HERC1: variants seen among roughly 807,000 people sequenced by gnomAD.
HERC1 encodes probable E3 ubiquitin-protein ligase HERC1.
A neutral mutation model predicts 554.3 loss-of-function variants in HERC1; 160 were observed. The ratio of observed to expected loss-of-function variants is 0.29; its 90% CI spans 0.25 to 0.33. The LOEUF (loss-of-function observed/expected upper bound fraction) is 0.33. Ranked by LOEUF, HERC1 falls within the 10% of genes least tolerant of loss-of-function variation. HERC1 has a pLI of 1.00. For synonymous variants in HERC1, 2,175 were observed against 2,131.7 expected (o/e 1.02, Z -0.56); for missense variants, 4,919 against 5,918.5 (o/e 0.83, Z 5.54).
intron 50 of HERC1, among the ~76,000 whole-genome samples, chr15:63,654,837 C>G (rs1399592082): frequency 6.6e-6 from 1 of 151,522 alleles, no homozygotes; most frequent in African/African-American, 2.4e-5. Flanking sequence ...CCACTGTACT[C>G]CAGCCTGGGT....
At chr15:63,632,649 C>T in intron 68 of HERC1, 60 bp downstream of exon 68, 5 of 1,112,926 alleles carry the variant, frequency 4.5e-6, no homozygotes, top group Non-Finnish European at 6.7e-6. Context: ...TTCTGTAACA[C>T]TGGAAGGCCA....
intron 25 of HERC1, among the ~76,000 whole-genome samples, chr15:63,702,704 A>G (rs2153082026): frequency 6.6e-6 from 1 of 152,366 alleles, no homozygotes; most frequent in Middle Eastern, 3.4e-3. Context: ...TGAAGGGCTT[A>G]GAACAATGCT....
intron 37 of HERC1, among the ~76,000 whole-genome samples, chr15:63,675,951 T>C (rs2071180407): frequency 6.7e-6 from 1 of 150,228 alleles, no homozygotes; most frequent in South Asian, 2.1e-4. Context: ...TCACCCAGGC[T>C]GCAGTGCAGT....
rs1025700209 is a variant in HERC1, at chr15:63,727,966, A to C, written c.3155-128T>G. 9.2e-6 allele frequency: 6 copies of C among 653,470 alleles called. No homozygotes were observed. The African/African-American group carries it at 1.1e-4, about 12-fold the overall frequency. The allele number at this position is 653,470 out of a possible 1,614,324, so 40.5% of individuals were successfully genotyped here. A position where few individuals can be genotyped will look rare whatever the true frequency, so the allele number is the denominator to read the frequency against. On this transcript the variant is annotated intron_variant, in intron 16 of 77. Coordinates refer to ENST00000443617, the MANE Select transcript of HERC1 (RefSeq NM_003922.4). The surrounding 1 kb of genome is among the most constrained non-coding windows in gnomAD (Gnocchi z 4.3). ...TTCAACAACTCTCTGTTGAACACCTACCTGGTAGCTGATGTAGTATCAGTG... is the reference window on the plus strand; with the variant it reads ...TTCAACAACTCTCTGTTGAACACCTCCCTGGTAGCTGATGTAGTATCAGTG...
At chr15:63,684,648 G>A (rs2071648302) in intron 34 of HERC1, among the ~76,000 whole-genome samples, 1 of 152,196 alleles carries the variant, frequency 6.6e-6, no homozygotes, top group South Asian at 2.1e-4. Context: ...GAGGAGTCGG[G>A]AGGGCATTAA....
intron 12 of HERC1, among the ~76,000 whole-genome samples, chr15:63,739,174 C>T (rs1281330999): frequency 6.7e-6 from 1 of 149,646 alleles, no homozygotes; most frequent in Non-Finnish European, 1.5e-5. Context: ...CTGCTCAAGA[C>T]CTCCAACAAC....
chr15:63,779,106 A>G (rs2076201638), intron 1 of HERC1, among the ~76,000 whole-genome samples: 1 of 152,118 alleles, frequency 6.6e-6, no homozygotes. Flanking sequence ...AGGGTGAGAG[A>G]AATAATTAGA....
intron 57 of HERC1, among the ~76,000 whole-genome samples, chr15:63,644,579 G>A (rs1285260543): frequency 1.3e-5 from 2 of 151,952 alleles, no homozygotes; most frequent in East Asian, 3.9e-4. Context: ...CTCGCCTAGA[G>A]GGCTCTCTAT....
At chr15:63,676,684 A>G (rs1567001236) in intron 37 of HERC1, among the ~76,000 whole-genome samples, 2 of 152,196 alleles carry the variant, frequency 1.3e-5, no homozygotes. Context: ...TGAACCCGGG[A>G]GGCAGAAGTT....
At chr15:63,707,939 A>C (rs1344045984) in intron 24 of HERC1, among the ~76,000 whole-genome samples, 1 of 142,530 alleles carries the variant, frequency 7.0e-6, no homozygotes, top group East Asian at 1.9e-4. Context: ...AAAAAAAAAA[A>C]AAAAAAAAAA....
At chr15:63,634,059 A>C (rs1427390485) in intron 66 of HERC1, 89 bp from the exon 67 acceptor site, 2 of 1,480,538 alleles carry the variant, frequency 1.4e-6, no homozygotes, top group Non-Finnish European at 1.9e-6. Context: ...TACTTCAGTG[A>C]AAAACTTGGC....
At chr15:63,731,612 T>G (rs1267559403) in intron 14 of HERC1, among the ~76,000 whole-genome samples, 1 of 152,222 alleles carries the variant, frequency 6.6e-6, no homozygotes, top group Non-Finnish European at 1.5e-5. Context: ...AAGAATTTTG[T>G]AGGAAGAATG....
At chr15:63,634,632 G>A in intron 66 of HERC1, 101 bp downstream of exon 66, 1 of 863,012 alleles carries the variant, frequency 1.2e-6, no homozygotes. Context: ...CATGAGGTTA[G>A]GTACAACTGG....
At chr15:63,760,721 T>C (rs1415548512) in intron 3 of HERC1, among the ~76,000 whole-genome samples, 2 of 151,938 alleles carry the variant, frequency 1.3e-5, no homozygotes, top group Admixed American at 6.6e-5. Context: ...ATGCACATAA[T>C]AGAAATCCCT....
At chr15:63,738,790 A>G (rs2074659400) in intron 12 of HERC1, among the ~76,000 whole-genome samples, 1 of 152,212 alleles carries the variant, frequency 6.6e-6, no homozygotes, top group Non-Finnish European at 1.5e-5. Flanking sequence ...CCCAAAGAAT[A>G]AAAAGATAAC....
rs774788018 is a variant in HERC1 at position 63,615,749 on chromosome 15, C to G, written c.14094+19G>C. On this transcript the variant is annotated intron_variant, in intron 76 of 77. Coordinates refer to ENST00000443617, the MANE Select transcript of HERC1 (RefSeq NM_003922.4). The stretch of plus-strand genomic sequence containing the variant: ...AAACCCAAGCATTCATGTGTACCTC[C>G]CGAGATGTTTCATCTCACCTGTCTG... 6.4e-7 allele frequency: 1 copy of G among 1,564,544 alleles called. No homozygotes were observed. Among genetic ancestry groups the G allele is most frequent in the Non-Finnish European group, 8.6e-7 (1 of 1,159,362 alleles).
In HERC1 at chr15:63,692,630, T is replaced by A. The variant is rs2072172688; in HGVS notation, c.5675-64A>T. ...CAACAAGAAATAGTCTTATATCACATAATTTACCTTGAAACTGCAGTAAGC... is the reference window on the plus strand; with the variant it reads ...CAACAAGAAATAGTCTTATATCACAAAATTTACCTTGAAACTGCAGTAAGC... On this transcript the variant is annotated intron_variant, in intron 30 of 77. Transcript: ENST00000443617. The surrounding 1 kb of genome is among the most constrained non-coding windows in gnomAD (Gnocchi z 4.7). The A allele has an allele frequency of 7.3e-7, 1 of 1,377,122 alleles. No individual in the cohort carries two copies. The allele number at this position is 1,377,122 out of a possible 1,614,324, so 85.3% of individuals were successfully genotyped here.
chr15:63,657,245 G>A (rs1384940418), intron 48 of HERC1, among the ~76,000 whole-genome samples: 3 of 150,198 alleles, frequency 2.0e-5, no homozygotes, highest in Non-Finnish European at 3.0e-5. Flanking sequence ...CTCATTGGTG[G>A]GTTTTTTGTC....
intron 34 of HERC1, among the ~76,000 whole-genome samples, chr15:63,683,367 C>T (rs55941923): frequency 0.16 from 24,171 of 151,936 alleles, 2,221 homozygotes; most frequent in Middle Eastern, 0.21. Context: ...ATGATTTTTT[C>T]CTATTGGAGT....
Sources: gnomAD v4.1 joint callset for allele counts (sites outside exome capture counted in the v4.1 genomes callset) on GRCh38, gnomAD v4.1.1 for gene constraint, Gnocchi (gnomAD v3.1) non-coding constraint, MANE v1.5 for transcripts, NCBI Gene and HGNC (gene_info 2026-07-23, HGNC 2026-07-21) for gene names.